The following ORC4 variants were observed in gnomAD, a reference collection of about 807,000 sequenced individuals.
The protein encoded by ORC4 is origin recognition complex subunit 4.
ORC4 carries 55 observed loss-of-function variants against 63.9 expected under a neutral mutation model. The observed-to-expected ratio is 0.86, with a 90% confidence interval of 0.69 to 1.08. The LOEUF (loss-of-function observed/expected upper bound fraction) is 1.08. Ranked by LOEUF, ORC4 falls within the 50% of genes least tolerant of loss-of-function variation. The pLI, the probability that ORC4 is intolerant of heterozygous loss-of-function variation, is 0.00. For missense variants in ORC4, 511 were observed against 504.4 expected (o/e 1.01, Z -0.13); for synonymous variants, 150 against 168.5 (o/e 0.89, Z 0.85).
chr2:147,935,601 T>A lies in ORC4; in HGVS notation c.1220A>T (p.Asp407Val). 6.2e-7 allele frequency: 1 copy of A among 1,613,684 alleles called. No individual in the cohort carries two copies. ...CAGAGCATTCATAATTTGAGTATTA[T>A]CCAAAAGCAGTTTCATCAGCTGGTA... ...REYQLMKLLL[D>V]NTQIMNALQK... Residue 407 changes from aspartate (D) to valine (V), a missense_variant, in exon 14 of 14, where the codon GAT becomes GTT. By Grantham distance (152) the Asp-to-Val change is radical (BLOSUM62 -3). Coordinates refer to ENST00000392857, the MANE Select transcript of ORC4 (RefSeq NM_181741.4).
intron 4 of ORC4, among the ~76,000 whole-genome samples, chr2:147,961,529 A>G (rs983964738): frequency 9.2e-5 from 14 of 152,314 alleles, no homozygotes; most frequent in South Asian, 4.1e-4. Context: ...TATTCAATCT[A>G]TATTTTCTCT....
Position 147,933,430 on chromosome 2 carries a change from C to T in ORC4, c.*2080G>A, listed in dbSNP as rs925641744. On this transcript the variant is annotated 3_prime_UTR_variant, in exon 14 of 14. Coordinates refer to ENST00000392857, the MANE Select transcript of ORC4 (RefSeq NM_181741.4). ...GCCTTGGGAATATAATAGGCGTACA[C>T]TTCATTTGTGTAACTTTTCCTAATG... 8 of 152,052 alleles carry T rather than the reference C, an allele frequency of 5.3e-5. No individual in the cohort carries two copies. The highest frequency in any genetic ancestry group is 3.3e-4 in the Admixed American group (5 of 15,232). The allele number at this position is 152,052 out of a possible 1,614,324, so 9.4% of individuals were successfully genotyped here.
chr2:147,937,594 AAT>A (rs1688123564), intron 13 of ORC4, among the ~76,000 whole-genome samples: 1 of 152,164 alleles, frequency 6.6e-6, no homozygotes. Context: ...TGTTGCATTA[AAT>A]ATATAATTAA....
chr2:147,957,711 A>AT (rs1689342492), intron 6 of ORC4, among the ~76,000 whole-genome samples: 1 of 152,164 alleles, frequency 6.6e-6, no homozygotes, highest in South Asian at 2.1e-4. Context: ...CCAGCAAATT[A>AT]TTTTTTAAGT....
upstream of ORC4, chr2:148,020,771 A>T: frequency 7.0e-6 from 1 of 141,894 alleles, no homozygotes; most frequent in Non-Finnish European, 1.5e-5. Flanking sequence ...TACCTCTCCC[A>T]CCCCGCCCCT....
intron 10 of ORC4, among the ~76,000 whole-genome samples, chr2:147,941,229 C>T (rs1367227296): frequency 1.3e-5 from 2 of 151,946 alleles, no homozygotes; most frequent in Non-Finnish European, 2.9e-5. Context: ...TTATTCATTT[C>T]CTAATTTCCT....
intron 1 of ORC4, among the ~76,000 whole-genome samples, chr2:148,004,402 T>C (rs1339180153): frequency 6.6e-6 from 1 of 152,122 alleles, no homozygotes; most frequent in Non-Finnish European, 1.5e-5. Context: ...ATAGTACTGG[T>C]ACCAAAACAG....
At chr2:147,942,052 T>G (rs995729395) in intron 10 of ORC4, among the ~76,000 whole-genome samples, 15 of 152,076 alleles carry the variant, frequency 9.9e-5, no homozygotes, top group Non-Finnish European at 1.5e-5. Flanking sequence ...TAGTGTGACC[T>G]TCGGCAAGTT....
chr2:147,986,811 ACAC>A (rs1054772259), intron 1 of ORC4, among the ~76,000 whole-genome samples: 7 of 151,850 alleles, frequency 4.6e-5, no homozygotes, highest in African/African-American at 7.3e-5. Flanking sequence ...ACACACACAC[ACAC>A]TAGTGACCTT....
chr2:147,991,398 G>A (rs72855232), intron 1 of ORC4, among the ~76,000 whole-genome samples: 42,821 of 151,940 alleles, frequency 0.28, 6,475 homozygotes, highest in East Asian at 0.46. Context: ...ACCTATTAGA[G>A]CCTTGATATT....
chr2:147,979,225 C>CA (rs1690727921), intron 1 of ORC4, among the ~76,000 whole-genome samples: 1 of 151,910 alleles, frequency 6.6e-6, no homozygotes, highest in Non-Finnish European at 1.5e-5. Context: ...AAGACTCTAC[C>CA]AAAAAACTGT....
At chr2:147,949,325 T>C (rs1377527455) in intron 8 of ORC4, among the ~76,000 whole-genome samples, 1 of 152,048 alleles carries the variant, frequency 6.6e-6, no homozygotes, top group Admixed American at 6.6e-5. Flanking sequence ...TCTGAAAACA[T>C]GTTAAAGAAG....
chr2:147,955,128 A>T (rs1049794377), intron 7 of ORC4, among the ~76,000 whole-genome samples: 1 of 152,004 alleles, frequency 6.6e-6, no homozygotes, highest in African/African-American at 2.4e-5. Context: ...ATACTGATAT[A>T]AAGATCAGTA....
chr2:148,011,317 A>G (rs1558880825), intron 1 of ORC4, among the ~76,000 whole-genome samples: 1 of 152,252 alleles, frequency 6.6e-6, no homozygotes, highest in East Asian at 1.9e-4. Flanking sequence ...GGATGGTTCA[A>G]CATATGTAAA....
At chr2:148,003,562 C>G (rs183213942) in intron 1 of ORC4, among the ~76,000 whole-genome samples, 2 of 152,256 alleles carry the variant, frequency 1.3e-5, no homozygotes, top group Non-Finnish European at 2.9e-5. Context: ...ATTCAACACC[C>G]CTTCATGCTA....
chr2:147,957,987 T>G (rs1442397214), intron 6 of ORC4, among the ~76,000 whole-genome samples: 1 of 152,122 alleles, frequency 6.6e-6, no homozygotes, highest in Non-Finnish European at 1.5e-5. Context: ...AAAAATGTGT[T>G]AATCTATCTC....
intron 1 of ORC4, among the ~76,000 whole-genome samples, chr2:148,012,740 C>T (rs577761032): frequency 1.7e-3 from 251 of 151,750 alleles, no homozygotes; most frequent in African/African-American, 5.5e-3. Context: ...TCTCAAACGA[C>T]TCAATAGGAA....
At chr2:147,998,703 T>C (rs1040983719) in intron 1 of ORC4, among the ~76,000 whole-genome samples, 7 of 152,180 alleles carry the variant, frequency 4.6e-5, no homozygotes, top group African/African-American at 1.7e-4. Flanking sequence ...TTTATAGCAA[T>C]ACAAAACAGA....
rs1050918290 is a variant in ORC4 at position 147,935,429 on chromosome 2, C to T, written c.*81G>A. 2.4e-5 allele frequency: 24 copies of T among 1,001,508 alleles called. No homozygotes were observed. The African/African-American group carries it at 3.6e-4, about 15-fold the overall frequency. The allele number at this position is 1,001,508 out of a possible 1,614,324, so 62.0% of individuals were successfully genotyped here. A position where few individuals can be genotyped will look rare whatever the true frequency, so the allele number is the denominator to read the frequency against. ...ACAAGAATGTTTATAGAATGTTTAG[C>T]ATATCATGTTAATGGACAATAGTTT... On this transcript the variant is annotated 3_prime_UTR_variant, in exon 14 of 14. Coordinates refer to ENST00000392857, the MANE Select transcript of ORC4 (RefSeq NM_181741.4).
Sources: gnomAD v4.1 joint callset for allele counts (sites outside exome capture counted in the v4.1 genomes callset) on GRCh38, gnomAD v4.1.1 for gene constraint, MANE v1.5 for transcripts, NCBI Gene and HGNC (gene_info 2026-07-23, HGNC 2026-07-21) for gene names.